Variants in HTT observed in about 807,000 individuals in gnomAD.
HTT encodes huntington disease protein.
In HTT, 104 loss-of-function variants were observed where a neutral mutation model predicts 362.3. The ratio of observed to expected loss-of-function variants is 0.29; its 90% CI spans 0.24 to 0.34. The LOEUF (loss-of-function observed/expected upper bound fraction) is 0.34. Among genes scored for constraint, HTT ranks in the 10% least tolerant of loss-of-function variants. The probability of loss-of-function intolerance (pLI) is 1.00; values close to 1 mark genes in which losing one functional copy is unlikely to be tolerated. For synonymous variants in HTT, 1,577 were observed against 1,548.7 expected (o/e 1.02, Z -0.43); for missense variants, 3,301 against 3,928.6 (o/e 0.84, Z 4.27).
intron 11 of HTT, among the ~76,000 whole-genome samples, chr4:3,126,335 T>A (rs1353496818): frequency 2.6e-5 from 4 of 152,138 alleles, no homozygotes; most frequent in Admixed American, 2.6e-4. Context: ...ATTACAGGAG[T>A]GAGCCACTGT....
chr4:3,163,837 GTCTACCTAT>G (rs1369897375), intron 29 of HTT, among the ~76,000 whole-genome samples: 2 of 151,992 alleles, frequency 1.3e-5, no homozygotes, highest in African/African-American at 4.8e-5. Context: ...CTTGCTAGCG[GTCTACCTAT>G]TTTATTGATC....
chr4:3,146,976 T>C, intron 25 of HTT, 28 bp downstream of exon 25: 1 of 1,612,668 alleles, frequency 6.2e-7, no homozygotes, highest in Non-Finnish European at 8.5e-7. Context: ...AAACAGGGAC[T>C]CCAGGACTTG....
Position 3,136,313 on chromosome 4 carries a change from G to A in HTT, c.2785G>A (p.Ala929Thr), listed in dbSNP as rs754479924. The A allele has an allele frequency of 2.5e-6, 4 of 1,582,740 alleles. No individual in the cohort carries two copies. Among genetic ancestry groups the A allele is most frequent in the Non-Finnish European group, 2.6e-6 (3 of 1,152,152 alleles). Residue 929 changes from alanine to threonine, a missense_variant, in exon 21 of 67, where the codon GCA (alanine) becomes ACA (threonine). Ala to Thr is a moderately conservative substitution (Grantham distance 58). This residue lies in a region of HTT where 2,316 missense variants were observed against 2,658.5 expected (regional missense o/e 0.87). Coordinates refer to ENST00000355072, the MANE Select transcript of HTT (RefSeq NM_001388492.1). The stretch of plus-strand genomic sequence containing the variant: ...CCCCAGGGTGCGACATGTTGCCGCA[G>A]CATCACTAATTAGGTATTTACCAAT... ...EDPRVRHVAA[A>T]SLIRLVPKLF...
chr4:3,163,660 G>T (rs1385393655), intron 29 of HTT, among the ~76,000 whole-genome samples: 1 of 152,170 alleles, frequency 6.6e-6, no homozygotes, highest in African/African-American at 2.4e-5. Flanking sequence ...GAGGGTGTAT[G>T]TGTCCAGGAA....
At chr4:3,083,249 A>G (rs1417099197) in intron 1 of HTT, among the ~76,000 whole-genome samples, 4 of 152,164 alleles carry the variant, frequency 2.6e-5, no homozygotes, top group Non-Finnish European at 5.9e-5. Flanking sequence ...GGCTGGGCAC[A>G]ATGGTTCATG....
chr4:3,234,616 C>T (rs772383884), intron 61 of HTT, among the ~76,000 whole-genome samples: 5 of 152,250 alleles, frequency 3.3e-5, no homozygotes, highest in South Asian at 2.1e-4. Context: ...CCAGGAGTTG[C>T]GTTTGGGATG....
At chr4:3,195,019 A>G (rs1257130893) in intron 40 of HTT, among the ~76,000 whole-genome samples, 1 of 152,184 alleles carries the variant, frequency 6.6e-6, no homozygotes, top group Non-Finnish European at 1.5e-5. Context: ...TCCTGTGCCA[A>G]AACCAAGAAT....
In HTT at chr4:3,111,628, C is replaced by G. The variant is rs529362323; in HGVS notation, c.748-3676C>G. 3.3e-5 allele frequency among the ~76,000 whole-genome samples: 5 copies of G among 152,316 alleles called. No homozygotes were observed. In the South Asian group the frequency reaches 1.0e-3, roughly 32 times the overall value. On this transcript the variant is annotated intron_variant, in intron 6 of 66. Coordinates refer to ENST00000355072, the MANE Select transcript of HTT (RefSeq NM_001388492.1). ...CAACCGGGGACTGGAAGGGAGGGGA[C>G]TGACAGTGTTGCTGGTCAGGGTGCC...
intron 60 of HTT, among the ~76,000 whole-genome samples, chr4:3,231,438 C>T (rs1045920445): frequency 2.0e-5 from 3 of 152,164 alleles, no homozygotes; most frequent in Non-Finnish European, 4.4e-5. Flanking sequence ...CCACCCTAGG[C>T]GGCCAAGGTC....
intron 35 of HTT, 132 bp downstream of exon 35, chr4:3,178,578 A>G: frequency 1.4e-6 from 1 of 732,318 alleles, no homozygotes. Context: ...GTGTCTGTGT[A>G]TGTGAAGGTA....
At position 3,209,822 on chromosome 4, in the gene HTT, C is replaced by T. The variant is rs547941524; in HGVS notation, c.6292-5C>T. ...TGTTCCCCTTATCCATTTTTTTCTT[C>T]CCAGGACTGGTACGTTCATCTTGTC... On this transcript the variant is annotated splice_region_variant and splice_polypyrimidine_tract_variant and intron_variant, in intron 46 of 66. Coordinates refer to ENST00000355072, the MANE Select transcript of HTT (RefSeq NM_001388492.1). The T allele has an allele frequency of 5.0e-6, 8 of 1,613,040 alleles. No homozygotes were observed. The highest frequency in any genetic ancestry group is 1.3e-5 in the African/African-American group (1 of 74,864).
chr4:3,098,017 G>A (rs1288804919), intron 2 of HTT, among the ~76,000 whole-genome samples: 2 of 152,084 alleles, frequency 1.3e-5, no homozygotes, highest in Non-Finnish European at 2.9e-5. Flanking sequence ...TAATACTTTG[G>A]GTGTATTGGG....
chr4:3,137,424 G>A (rs570287925), intron 21 of HTT, among the ~76,000 whole-genome samples: 11 of 151,922 alleles, frequency 7.2e-5, no homozygotes, highest in South Asian at 4.2e-4. Flanking sequence ...TTGTGTTTTC[G>A]CCAGGCGCTC....
At chr4:3,229,661 C>T (rs777781544) in intron 59 of HTT, among the ~76,000 whole-genome samples, 4 of 151,930 alleles carry the variant, frequency 2.6e-5, no homozygotes, top group Non-Finnish European at 4.4e-5. Context: ...ACACCACATA[C>T]GCCACATGTA....
At chr4:3,169,010 C>CTTTT (rs1189066499) in intron 29 of HTT, among the ~76,000 whole-genome samples, 1 of 147,438 alleles carries the variant, frequency 6.8e-6, no homozygotes, top group African/African-American at 2.5e-5. Context: ...GCCATTCTTT[C>CTTTT]TTTCTTTCTT....
At chr4:3,154,259 TTTTTTGTTTTTTG>T in intron 26 of HTT, 21 bp from the exon 27 acceptor site, 3 of 1,503,588 alleles carry the variant, frequency 2.0e-6, no homozygotes, top group Non-Finnish European at 2.7e-6. Context: ...ATGTTTTTGT[TTTTTTGTTTTTTG>T]TTTTTGTTTT....
rs746298590 is a variant in HTT at position 3,230,021 on chromosome 4, G to A, written c.8244G>A (p.Lys2748=). The part of the protein sequence containing the change: ...LAQYLVPATC[K]AAAVLGMDKA... ...AGTACCTGGTGCCTGCCACCTGCAAGGCAGCTGCCGTCCTTGGGATGGTAA... is the reference window on the plus strand; with the variant it reads ...AGTACCTGGTGCCTGCCACCTGCAAAGCAGCTGCCGTCCTTGGGATGGTAA... The change falls in exon 60 of 67, where the codon AAG becomes AAA. Residue 2748 remains lysine (K), a synonymous_variant. Transcript: ENST00000355072. 1 of 1,614,092 alleles carries A rather than the reference G, an allele frequency of 6.2e-7. No homozygotes were observed. Among genetic ancestry groups the A allele is most frequent in the Non-Finnish European group, 8.5e-7 (1 of 1,179,950 alleles).
chr4:3,151,082 G>A (rs1716865705), intron 26 of HTT, among the ~76,000 whole-genome samples: 1 of 152,024 alleles, frequency 6.6e-6, no homozygotes, highest in South Asian at 2.1e-4. Context: ...GGCTGCACAG[G>A]AAGAAGTGAG....
intron 5 of HTT, among the ~76,000 whole-genome samples, chr4:3,106,412 A>G (rs914372916): frequency 6.6e-6 from 1 of 152,186 alleles, no homozygotes; most frequent in African/African-American, 2.4e-5. Context: ...ATCACTAAGG[A>G]AATTTCCTTT....
Sources: allele counts gnomAD v4.1 joint callset (sites outside exome capture counted in the v4.1 genomes callset), GRCh38; gene constraint gnomAD v4.1.1; regional missense constraint gnomAD v4.1.1; transcripts MANE v1.5; gene names NCBI Gene and HGNC (gene_info 2026-07-23, HGNC 2026-07-21).